FAT3: variants seen among roughly 807,000 people sequenced by gnomAD.
The protein encoded by FAT3 is protocadherin Fat 3.
A neutral mutation model predicts 310.2 loss-of-function variants in FAT3; 95 were observed. The observed-to-expected ratio is 0.31, with a 90% CI of 0.26 to 0.36. The LOEUF is 0.36. FAT3 is among the 10% of genes least tolerant of loss of function. The pLI is 1.00. For synonymous variants in FAT3, 2,314 were observed against 2,192.9 expected (o/e 1.06, Z -1.54); for missense variants, 5,408 against 5,715.6 (o/e 0.95, Z 1.74).
intron 21 of FAT3, among the ~76,000 whole-genome samples, chr11:92,866,236 C>A (rs1949243300): frequency 6.6e-6 from 1 of 152,122 alleles, no homozygotes. Context: ...TGATTAATGG[C>A]CACCTACCCT....
At chr11:92,753,761 TAAAG>T (rs941974573) in intron 4 of FAT3, among the ~76,000 whole-genome samples, 2 of 149,834 alleles carry the variant, frequency 1.3e-5, no homozygotes, top group African/African-American at 5.0e-5. Context: ...AAGTCTTGGA[TAAAG>T]AAACTGTGGT....
intron 4 of FAT3, among the ~76,000 whole-genome samples, chr11:92,722,979 C>T (rs1348389844): frequency 6.6e-6 from 1 of 152,170 alleles, no homozygotes; most frequent in East Asian, 1.9e-4. Context: ...GCCTTGAAGA[C>T]CTCTGACATG....
chr11:92,317,067 A>G (rs1482999306), intron 1 of FAT3, among the ~76,000 whole-genome samples: 2 of 152,160 alleles, frequency 1.3e-5, no homozygotes, highest in Non-Finnish European at 2.9e-5. Context: ...AATTTTGAGT[A>G]TCCTGGTTAC....
chr11:92,377,063 G>A (rs1046479306), intron 2 of FAT3, among the ~76,000 whole-genome samples: 76 of 152,276 alleles, frequency 5.0e-4, no homozygotes, highest in African/African-American at 1.8e-3. Context: ...AAAGGATACT[G>A]AGGTATAAAT....
chr11:92,293,553 A>T (rs3132755), intron 1 of FAT3, among the ~76,000 whole-genome samples: 1,132 of 15,722 alleles, frequency 0.072, 65 homozygotes, highest in African/African-American at 0.13. Flanking sequence ...TATATATATA[A>T]ATAAAATATA....
intron 21 of FAT3, among the ~76,000 whole-genome samples, chr11:92,863,087 A>T (rs996755779): frequency 2.0e-5 from 3 of 152,160 alleles, no homozygotes; most frequent in Non-Finnish European, 4.4e-5. Context: ...TGGCAGCCTT[A>T]AAAATAGGTT....
intron 22 of FAT3, among the ~76,000 whole-genome samples, chr11:92,878,634 T>TAAAAAAAAAAAAAAA (rs145900689): frequency 4.2e-4 from 9 of 21,216 alleles, no homozygotes; most frequent in African/African-American, 8.5e-4. Flanking sequence ...TGTTATGTGT[T>TAAAAAAAAAAAAAAA]AAAAAAAAAA....
intron 2 of FAT3, among the ~76,000 whole-genome samples, chr11:92,371,017 A>G (rs1351755432): frequency 6.6e-6 from 1 of 152,198 alleles, no homozygotes; most frequent in African/African-American, 2.4e-5. Flanking sequence ...CACTTTGCAC[A>G]CAATTCTAAT....
At chr11:92,728,272 G>A (rs1478915459) in intron 4 of FAT3, among the ~76,000 whole-genome samples, 1 of 152,062 alleles carries the variant, frequency 6.6e-6, no homozygotes, top group Non-Finnish European at 1.5e-5. Flanking sequence ...TAGTCCTTGT[G>A]GAGCAGGGCT....
intron 7 of FAT3, among the ~76,000 whole-genome samples, chr11:92,783,678 C>T (rs1565590598): frequency 2.6e-5 from 4 of 151,966 alleles, no homozygotes; most frequent in Admixed American, 2.6e-4. Flanking sequence ...GTGGTGCAGT[C>T]CAATTGTCCC....
intron 3 of FAT3, among the ~76,000 whole-genome samples, chr11:92,620,918 T>G (rs1490390654): frequency 6.6e-6 from 1 of 152,162 alleles, no homozygotes; most frequent in African/African-American, 2.4e-5. Context: ...TGTCTTTTTG[T>G]TATGTCCTCA....
rs527723832 is a variant in FAT3 at position 92,352,474 on chromosome 11, T to G, written c.362T>G (p.Ile121Ser). 1 of 1,612,660 alleles carries G rather than the reference T, an allele frequency of 6.2e-7. No individual in the cohort carries two copies. Among genetic ancestry groups the G allele is most frequent in the African/African-American group, 1.3e-5 (1 of 74,980 alleles). Residue 121 changes from isoleucine (I) to serine (S), a missense_variant, in exon 2 of 28, where the codon ATC (isoleucine) becomes AGC (serine). Ile to Ser is a moderately radical substitution (Grantham distance 142). Coordinates refer to ENST00000525166, the MANE Select transcript of FAT3 (RefSeq NM_001367949.2). ...GGNSAILNRE[I>S]QDNYLLIVKG... ...AATTCTGCCATATTAAATAGGGAAA[T>G]CCAGGATAATTATTTATTGATAGTA...
At chr11:92,242,694 T>C (rs1279682166) in intron 1 of FAT3, among the ~76,000 whole-genome samples, 1 of 152,022 alleles carries the variant, frequency 6.6e-6, no homozygotes, top group Non-Finnish European at 1.5e-5. Context: ...TGTTCATACA[T>C]GAAAGTGTGT....
rs557025872 is a variant in FAT3, at chr11:92,820,234, T to G, written c.9481+10158T>G. 2.0e-5 allele frequency among the ~76,000 whole-genome samples: 3 copies of G among 152,184 alleles called. No homozygotes were observed. The East Asian group carries it at 5.8e-4, about 30-fold the overall frequency. ...GTTCAGGGTGTCAGCATTGGTCAGG[T>G]TTTGTCCAGGGCTCTCTCCTTGGTT... On this transcript the variant is annotated intron_variant, in intron 13 of 27. Coordinates refer to ENST00000525166, the MANE Select transcript of FAT3 (RefSeq NM_001367949.2).
chr11:92,794,009 G>T (rs1292659776), intron 9 of FAT3, among the ~76,000 whole-genome samples: 5 of 151,810 alleles, frequency 3.3e-5, no homozygotes, highest in Non-Finnish European at 7.4e-5. Flanking sequence ...ATTTTACATG[G>T]GTCTGTGCTA....
intron 1 of FAT3, among the ~76,000 whole-genome samples, chr11:92,239,107 T>C (rs2134247495): frequency 6.6e-6 from 1 of 152,250 alleles, no homozygotes; most frequent in Admixed American, 6.5e-5. Context: ...CTAAAGAAAT[T>C]GAGGCATAGA....
At chr11:92,563,010 CAT>C (rs1354670108) in intron 3 of FAT3, among the ~76,000 whole-genome samples, 1 of 152,150 alleles carries the variant, frequency 6.6e-6, no homozygotes, top group Non-Finnish European at 1.5e-5. Flanking sequence ...AATTAACCAT[CAT>C]ATAGTGCTAT....
intron 7 of FAT3, among the ~76,000 whole-genome samples, chr11:92,783,277 G>A (rs983563330): frequency 7.4e-6 from 1 of 135,090 alleles, no homozygotes; most frequent in African/African-American, 2.7e-5. Flanking sequence ...AGAATCACTT[G>A]AATCTGGGAG....
rs568067007 is a variant in FAT3, at chr11:92,357,859, T to TTA, written c.3292+2465_3292+2466dup. Among the ~76,000 whole-genome samples, 19 of 151,920 alleles carry TTA rather than the reference T, an allele frequency of 1.3e-4. No homozygotes were observed. In the South Asian group the frequency reaches 3.7e-3, roughly 30 times the overall value. ...TGCATTTGCTCCATTGTATTCTGAA[T>TTA]TATATATATATTAAAAAAACTTTTA... On this transcript the variant is annotated intron_variant, in intron 2 of 27. Coordinates refer to ENST00000525166, the MANE Select transcript of FAT3 (RefSeq NM_001367949.2).
Sources: allele counts gnomAD v4.1 joint callset (sites outside exome capture counted in the v4.1 genomes callset), GRCh38; gene constraint gnomAD v4.1.1; transcripts MANE v1.5; gene names NCBI Gene and HGNC (gene_info 2026-07-23, HGNC 2026-07-21).